Variants in ITGB8 observed in about 807,000 individuals in gnomAD.
ITGB8 encodes the protein integrin subunit beta 8.
ITGB8 carries 30 observed loss-of-function variants against 89.5 expected under a neutral mutation model. That is an observed-to-expected ratio of 0.34 (90% CI 0.25 to 0.45). The LOEUF is 0.45. ITGB8 is among the 20% of genes least tolerant of loss of function. The pLI, the probability that ITGB8 is intolerant of heterozygous loss-of-function variation, is 1.00. For missense variants in ITGB8, 836 were observed against 933.3 expected (o/e 0.90, Z 1.36); for synonymous variants, 335 against 320.4 (o/e 1.05, Z -0.49).
chr7:20,337,846 T>A (rs1053054584), intron 1 of ITGB8, among the ~76,000 whole-genome samples: 53 of 152,310 alleles, frequency 3.5e-4, no homozygotes, highest in African/African-American at 1.1e-3. Context: ...CCCCTCTAGA[T>A]CATCTCCAGA....
intron 6 of ITGB8, among the ~76,000 whole-genome samples, chr7:20,388,603 T>C (rs939236041): frequency 6.6e-6 from 1 of 152,144 alleles, no homozygotes; most frequent in African/African-American, 2.4e-5. Context: ...AAAAAATCTG[T>C]TTTTGTAGGC....
intron 1 of ITGB8, among the ~76,000 whole-genome samples, chr7:20,342,130 C>T (rs1422088263): frequency 2.6e-5 from 4 of 152,108 alleles, no homozygotes; most frequent in African/African-American, 9.7e-5. Context: ...GCCCTTTGAA[C>T]AAACTAGATG....
intron 1 of ITGB8, among the ~76,000 whole-genome samples, chr7:20,340,236 A>G (rs1784710655): frequency 6.6e-6 from 1 of 152,230 alleles, no homozygotes; most frequent in African/African-American, 2.4e-5. Context: ...ATCTGTTGCT[A>G]TTCCAGATAA....
intron 6 of ITGB8, among the ~76,000 whole-genome samples, chr7:20,387,658 G>T (rs1786682035): frequency 6.6e-6 from 1 of 152,190 alleles, no homozygotes; most frequent in African/African-American, 2.4e-5. Flanking sequence ...GGCACCTGTT[G>T]TGTTGAGACC....
At chr7:20,330,765 T>A (rs1784349698), upstream of ITGB8, 1 of 148,328 alleles carries the variant, frequency 6.7e-6, no homozygotes, top group Admixed American at 6.7e-5. Context: ...CGTGGGGAGG[T>A]TTCCTAGCAA....
rs116745614 is a variant in ITGB8 at position 20,350,700 on chromosome 7, G to A, written c.128-12937G>A. ...GTTAGTTTATGAAGCCGAGGCCAGC[G>A]AATAGGCAGGGTTAGGACAAGAACA... On this transcript the variant is annotated intron_variant, in intron 1 of 13. Transcript: ENST00000222573. Among the ~76,000 whole-genome samples the A allele has an allele frequency of 5.9e-3, 896 of 152,328 alleles. 13 individuals carry two copies. Among genetic ancestry groups the A allele is most frequent in the African/African-American group, 0.02 (840 of 41,564 alleles).
chr7:20,405,906 A>G (rs1484424438), intron 11 of ITGB8, among the ~76,000 whole-genome samples, 156 bp from the exon 12 acceptor site: 1 of 152,234 alleles, frequency 6.6e-6, no homozygotes, highest in Non-Finnish European at 1.5e-5. Flanking sequence ...TGGAAATGCA[A>G]TCCTTCGATG....
At position 20,331,755 on chromosome 7, in the gene ITGB8, C is replaced by G. The variant is rs2128122800; in HGVS notation, c.-52C>G. ...CGAGGTGCGCCCGGGAGGCGCGAGC[C>G]CGCGTCCGGAAGGCAGTCAGGCGGC... On this transcript the variant is annotated 5_prime_UTR_variant, in exon 1 of 14. Transcript: ENST00000222573. 16 of 1,574,198 alleles carry G rather than the reference C, an allele frequency of 1.0e-5. No homozygotes were observed. Among genetic ancestry groups the G allele is most frequent in the Non-Finnish European group, 1.4e-5 (16 of 1,160,436 alleles).
intron 1 of ITGB8, among the ~76,000 whole-genome samples, chr7:20,335,687 T>C (rs1187010660): frequency 6.6e-6 from 1 of 152,248 alleles, no homozygotes; most frequent in Non-Finnish European, 1.5e-5. Context: ...ACCTTCTCTT[T>C]GAATCCATTG....
intron 4 of ITGB8, 60 bp from the exon 5 acceptor site, chr7:20,380,603 TAAG>T (rs1239694529): frequency 7.5e-7 from 1 of 1,340,716 alleles, no homozygotes; most frequent in Non-Finnish European, 1.1e-6. Flanking sequence ...ATTTTACTGT[TAAG>T]TATTCCAGAA....
chr7:20,381,903 G>A lies in ITGB8; in HGVS notation c.960+18G>A, dbSNP rs1225691269. On this transcript the variant is annotated intron_variant, in intron 6 of 13. Coordinates refer to ENST00000222573, the MANE Select transcript of ITGB8 (RefSeq NM_002214.3). ...CAACCATGGTAATGCAGCAGTAACC[G>A]CTTAGTAGATATGACTCTTTTGGTT... The A allele has an allele frequency of 6.3e-6, 10 of 1,589,562 alleles. No individual in the cohort carries two copies. The highest frequency in any genetic ancestry group is 4.5e-5 in the East Asian group (2 of 44,618).
intron 7 of ITGB8, among the ~76,000 whole-genome samples, chr7:20,394,417 A>C (rs1012769527): frequency 3.3e-5 from 5 of 152,212 alleles, no homozygotes; most frequent in Admixed American, 3.3e-4. Context: ...TAACTAAAGA[A>C]GTTTTGGGAA....
chr7:20,390,873 C>A (rs763966197), intron 6 of ITGB8, among the ~76,000 whole-genome samples: 3 of 151,752 alleles, frequency 2.0e-5, no homozygotes, highest in Non-Finnish European at 2.9e-5. Context: ...TTCTAAAGAG[C>A]GTTACTATAT....
In ITGB8 at chr7:20,411,146, CTTTTTTTTTTTTTTTT is replaced by C. The variant is rs66469619; in HGVS notation, c.*1159_*1174del. The C allele has an allele frequency of 1.7e-5, 1 of 60,352 alleles. No homozygotes were observed. Among genetic ancestry groups the C allele is most frequent in the Non-Finnish European group, 2.9e-5 (1 of 34,682 alleles). The allele number at this position is 60,352 out of a possible 1,614,324, so 3.7% of individuals were successfully genotyped here. ...GAATAGATGATATCTTAGAAATAAG[CTTTTTTTTTTTTTTTT>C]TTTTTTTTTGAGACGGAGTTTCACT... On this transcript the variant is annotated 3_prime_UTR_variant, in exon 14 of 14. Transcript: ENST00000222573.
In ITGB8 at chr7:20,394,793, G is replaced by A. The variant is rs375541209; in HGVS notation, c.1057-103G>A. On this transcript the variant is annotated intron_variant, in intron 7 of 13. Coordinates refer to ENST00000222573, the MANE Select transcript of ITGB8 (RefSeq NM_002214.3). Reference sequence around the variant, plus strand: ...TCTTATAGGTTTTCATTCATTTAATGGTTCACCTTCAACTGATAACTACAA... The same window carrying A: ...TCTTATAGGTTTTCATTCATTTAATAGTTCACCTTCAACTGATAACTACAA... 41 of 776,784 alleles carry A rather than the reference G, an allele frequency of 5.3e-5. 3 individuals carry two copies. In the Middle Eastern group the frequency reaches 6.2e-3, roughly 117 times the overall value. 48.1% of individuals were successfully genotyped at this position (776,784 alleles called of 1,614,324 possible).
intron 7 of ITGB8, among the ~76,000 whole-genome samples, chr7:20,393,338 A>C (rs182834544): frequency 1.4e-4 from 21 of 152,388 alleles, no homozygotes; most frequent in African/African-American, 4.8e-4. Flanking sequence ...AACTGGCTCC[A>C]AAGCCTGGGA....
Position 20,401,990 on chromosome 7 carries a change from G to A in ITGB8, c.1551G>A (p.Gln517=), listed in dbSNP as rs747412582. The A allele has an allele frequency of 1.4e-5, 22 of 1,614,190 alleles. No individual in the cohort carries two copies. The East Asian group carries it at 4.5e-4, about 33-fold the overall frequency. Residue 517 remains glutamine, a synonymous_variant, in exon 10 of 14, where the codon CAG becomes CAA. Transcript: ENST00000222573. ...AGAGTTGCAAGTCACACAAGGATCA[G>A]CCTGTTTGCAGTGGTCGAGGAGTTT... The part of the protein sequence containing the change: ...SSESCKSHKD[Q]PVCSGRGVCV...
At chr7:20,341,582 C>T (rs1784756760) in intron 1 of ITGB8, among the ~76,000 whole-genome samples, 1 of 152,150 alleles carries the variant, frequency 6.6e-6, no homozygotes, top group Non-Finnish European at 1.5e-5. Context: ...CCACATGATA[C>T]TTTGTAACAT....
At chr7:20,365,773 G>A (rs935549240) in intron 2 of ITGB8, 2 of 152,180 alleles carry the variant, frequency 1.3e-5, no homozygotes, top group Middle Eastern at 3.1e-3. Context: ...TGACGTCATT[G>A]AGAGGAAGAA....
Sources: gnomAD v4.1 joint callset for allele counts (sites outside exome capture counted in the v4.1 genomes callset) on GRCh38, gnomAD v4.1.1 for gene constraint, MANE v1.5 for transcripts, NCBI Gene and HGNC (gene_info 2026-07-23, HGNC 2026-07-21) for gene names.